PTPRD: variants seen among roughly 807,000 people sequenced by gnomAD.
PTPRD encodes the protein protein tyrosine phosphatase receptor type D.
Under a neutral mutation model 214.5 loss-of-function variants are expected in PTPRD, and 34 were observed. That is an observed-to-expected ratio of 0.16 (90% CI 0.12 to 0.21). PTPRD has a LOEUF of 0.21. Ranked by LOEUF, PTPRD falls within the 10% of genes least tolerant of loss-of-function variation. The pLI is 1.00. For missense variants in PTPRD, 2,545 were observed against 2,398.7 expected (o/e 1.06, Z -1.27); for synonymous variants, 1,128 against 845.7 (o/e 1.33, Z -5.79).
In PTPRD at chr9:10,557,741, C is replaced by T. The variant is rs1396284247; in HGVS notation, c.-600+54657G>A. Among the ~76,000 whole-genome samples the T allele has an allele frequency of 3.9e-5, 6 of 152,096 alleles. No homozygotes were observed. The East Asian group carries it at 1.2e-3, about 29-fold the overall frequency. On this transcript the variant is annotated intron_variant, in intron 2 of 45. Coordinates refer to ENST00000381196, the MANE Select transcript of PTPRD (RefSeq NM_002839.4). The stretch of plus-strand genomic sequence containing the variant: ...AATTACCTTAGAAAAACGTAGGCAG[C>T]TGGGATAACTCCTCGGGAAGGGCTA...
chr9:9,658,512 A>G (rs988906608), intron 7 of PTPRD, among the ~76,000 whole-genome samples: 2 of 152,156 alleles, frequency 1.3e-5, no homozygotes, highest in African/African-American at 4.8e-5. Flanking sequence ...GGAGTTTGAT[A>G]ACTGTTTGTA....
At position 8,317,339 on chromosome 9, in the gene PTPRD, C is replaced by T. The variant is rs894544217; in HGVS notation, c.*535G>A. ...AAAGTTTACACAGTTAGAAATGAAG[C>T]ACAGGTCAGCAGTATCTTTACAATA... On this transcript the variant is annotated 3_prime_UTR_variant, in exon 46 of 46. Coordinates refer to ENST00000381196, the MANE Select transcript of PTPRD (RefSeq NM_002839.4). The T allele has an allele frequency of 1.7e-5, 4 of 232,236 alleles. No homozygotes were observed. Among genetic ancestry groups the T allele is most frequent in the African/African-American group, 8.8e-5 (4 of 45,230 alleles). The allele number at this position is 232,236 out of a possible 1,614,324, so 14.4% of individuals were successfully genotyped here.
At chr9:9,573,758 C>T (rs1462925008) in intron 8 of PTPRD, among the ~76,000 whole-genome samples, 1 of 151,768 alleles carries the variant, frequency 6.6e-6, no homozygotes. Flanking sequence ...TTTCACTTTC[C>T]TCCTATATGA....
intron 8 of PTPRD, among the ~76,000 whole-genome samples, chr9:9,497,465 C>T (rs150091475): frequency 8.6e-4 from 131 of 152,238 alleles, no homozygotes; most frequent in Non-Finnish European, 8.8e-5. Context: ...TAGAGCAGCT[C>T]ATTATCATCC....
Position 9,574,764 on chromosome 9 carries a change from A to T in PTPRD, c.-269T>A, listed in dbSNP as rs902869180. The T allele has an allele frequency of 2.6e-5, 4 of 152,102 alleles. No homozygotes were observed. In the South Asian group the frequency reaches 6.2e-4, roughly 24 times the overall value. The allele number at this position is 152,102 out of a possible 1,614,324, so 9.4% of individuals were successfully genotyped here. A position where few individuals can be genotyped will look rare whatever the true frequency, so the allele number is the denominator to read the frequency against. ...TCACAGGTTAGGAATTCGAAGAAAA[A>T]GTTCACCACCCTGAGACCTAGAAAA... is the stretch of plus-strand genomic sequence containing the variant. On this transcript the variant is annotated 5_prime_UTR_variant, in exon 8 of 46. Transcript: ENST00000381196.
At chr9:9,706,168 T>C (rs1439363194) in intron 7 of PTPRD, among the ~76,000 whole-genome samples, 1 of 152,170 alleles carries the variant, frequency 6.6e-6, no homozygotes, top group Non-Finnish European at 1.5e-5. Context: ...TGTTTTGAAT[T>C]ACTCCCTAAT....
intron 12 of PTPRD, among the ~76,000 whole-genome samples, chr9:8,710,465 A>C (rs1475054117): frequency 2.0e-5 from 3 of 151,982 alleles, no homozygotes; most frequent in Non-Finnish European, 4.4e-5. Flanking sequence ...AAAATACAAA[A>C]ATTAGCAAGG....
At chr9:8,402,683 A>AC (rs1031051131) in intron 36 of PTPRD, among the ~76,000 whole-genome samples, 1 of 74,212 alleles carries the variant, frequency 1.3e-5, no homozygotes, top group African/African-American at 8.5e-5. Context: ...GAGACTTGAG[A>AC]CCCCCCACAA....
chr9:9,870,694 T>C (rs2065185543), intron 5 of PTPRD, among the ~76,000 whole-genome samples: 1 of 152,048 alleles, frequency 6.6e-6, no homozygotes, highest in Non-Finnish European at 1.5e-5. Context: ...TTAAGACATG[T>C]CTTCTGAAAG....
At chr9:8,735,694 G>C (rs1482169685) in intron 11 of PTPRD, among the ~76,000 whole-genome samples, 1 of 152,056 alleles carries the variant, frequency 6.6e-6, no homozygotes, top group South Asian at 2.1e-4. Context: ...AGGATCACTT[G>C]AGGCCAGGAG....
chr9:8,618,347 C>A (rs1393060576), intron 14 of PTPRD, among the ~76,000 whole-genome samples: 1 of 152,046 alleles, frequency 6.6e-6, no homozygotes, highest in African/African-American at 2.4e-5. Context: ...GGCTTGGTAC[C>A]TTTCAATTAG....
intron 9 of PTPRD, among the ~76,000 whole-genome samples, chr9:9,209,951 A>T (rs1036150340): frequency 2.0e-5 from 3 of 152,132 alleles, no homozygotes; most frequent in Non-Finnish European, 4.4e-5. Flanking sequence ...CTAAACTCAG[A>T]TCCCATGGGG....
intron 11 of PTPRD, among the ~76,000 whole-genome samples, chr9:8,796,934 T>C (rs2096444293): frequency 6.6e-6 from 1 of 152,056 alleles, no homozygotes; most frequent in South Asian, 2.1e-4. Flanking sequence ...GTTAAAATTT[T>C]TGTTTTTTTT....
Position 8,319,961 on chromosome 9 carries a change from C to T in PTPRD, c.5540G>A (p.Gly1847Asp). 6.2e-7 allele frequency: 1 copy of T among 1,611,416 alleles called. No homozygotes were observed. The highest frequency in any genetic ancestry group is 8.5e-7 in the Non-Finnish European group (1 of 1,178,878). ...DGPISVHCSA[G>D]VGRTGVFITL... ...TATGAAGACTCCAGTTCTTCCAACG[C>T]CCGCGCTGCCACAATAACAAAGGCG... is the stretch of plus-strand genomic sequence containing the variant. Residue 1847 changes from glycine (G) to aspartate (D), a missense_variant, in exon 45 of 46, where the codon GGC (glycine) becomes GAC (aspartate). By Grantham distance (94) the Gly-to-Asp change is moderately conservative. Coordinates refer to ENST00000381196, the MANE Select transcript of PTPRD (RefSeq NM_002839.4).
chr9:8,497,374 A>G (rs1563838379), intron 25 of PTPRD, 106 bp from the exon 26 acceptor site: 1 of 916,940 alleles, frequency 1.1e-6, no homozygotes, highest in Non-Finnish European at 1.6e-6. Flanking sequence ...AATCAAAAAA[A>G]TAAAGCAGTG....
At chr9:8,644,050 C>G (rs2096635298) in intron 12 of PTPRD, among the ~76,000 whole-genome samples, 1 of 152,152 alleles carries the variant, frequency 6.6e-6, no homozygotes, top group South Asian at 2.1e-4. Flanking sequence ...CTCTGAGGCC[C>G]ATAAAAGTTC....
intron 8 of PTPRD, among the ~76,000 whole-genome samples, chr9:9,532,788 C>T (rs573797024): frequency 6.6e-6 from 1 of 152,112 alleles, no homozygotes; most frequent in South Asian, 2.1e-4. Flanking sequence ...CACATTAGCA[C>T]CCTTGGAGCA....
rs369307558 is a variant in PTPRD, at chr9:10,018,104, A to T, written c.-472+15614T>A. Among the ~76,000 whole-genome samples, 6 of 152,084 alleles carry T rather than the reference A, an allele frequency of 3.9e-5. 2 individuals are homozygous for T. Among genetic ancestry groups the T allele is most frequent in the African/African-American group, 1.4e-4 (6 of 41,406 alleles). ...TCATTACTAGATTATTAGGTTATGA[A>T]ATCCCCTCTCATACACAAATACACA... On this transcript the variant is annotated intron_variant, in intron 4 of 45. Coordinates refer to ENST00000381196, the MANE Select transcript of PTPRD (RefSeq NM_002839.4).
intron 9 of PTPRD, among the ~76,000 whole-genome samples, chr9:9,352,061 A>G (rs9407420): frequency 0.63 from 95,832 of 151,540 alleles, 30,419 homozygotes; most frequent in Middle Eastern, 0.73. Flanking sequence ...TCCTGCCTTG[A>G]CTTCCCAAAG....
Sources: allele counts gnomAD v4.1 joint callset (sites outside exome capture counted in the v4.1 genomes callset), GRCh38; gene constraint gnomAD v4.1.1; transcripts MANE v1.5; gene names NCBI Gene and HGNC (gene_info 2026-07-23, HGNC 2026-07-21).